The following SLC4A7 variants were observed in gnomAD, a reference collection of about 807,000 sequenced individuals.
SLC4A7 encodes sodium bicarbonate cotransporter 3.
In SLC4A7, 51 loss-of-function variants were observed where a neutral mutation model predicts 137.6. The ratio of observed to expected loss-of-function variants is 0.37; its 90% CI spans 0.30 to 0.47. SLC4A7 has a LOEUF of 0.47. Ranked by LOEUF, SLC4A7 falls within the 20% of genes least tolerant of loss-of-function variation. The probability of loss-of-function intolerance (pLI) is 1.00; values close to 1 mark genes in which losing one functional copy is unlikely to be tolerated. For missense variants in SLC4A7, 1,247 were observed against 1,525.4 expected, an observed-to-expected ratio of 0.82 and a Z score of 3.04; for synonymous variants, 542 against 518.6, an observed-to-expected ratio of 1.05 and a Z score of -0.61.
At chr3:27,463,403 C>T (rs2058802806) in intron 1 of SLC4A7, among the ~76,000 whole-genome samples, 1 of 152,108 alleles carries the variant, frequency 6.6e-6, no homozygotes. Flanking sequence ...GCACTCCAGC[C>T]TCGGCGACAG....
At chr3:27,444,553 G>A (rs58619800) in intron 3 of SLC4A7, among the ~76,000 whole-genome samples, 14 of 152,030 alleles carry the variant, frequency 9.2e-5, no homozygotes, top group African/African-American at 2.2e-4. Flanking sequence ...CTTGAAAACC[G>A]CTGATTACTT....
rs748614482 is a variant in SLC4A7, at chr3:27,376,734, T to C, written c.*30A>G. The stretch of plus-strand genomic sequence containing the variant: ...TACGCACACATTACATATGTATATA[T>C]CTATATGTATAATGCCTCTTGGTTC... On this transcript the variant is annotated 3_prime_UTR_variant, in exon 26 of 26. Coordinates refer to ENST00000454389, the MANE Select transcript of SLC4A7 (RefSeq NM_001321103.2). The C allele has an allele frequency of 2.3e-6, 3 of 1,297,142 alleles. No homozygotes were observed. In the East Asian group the frequency reaches 7.0e-5, roughly 30 times the overall value. 80.4% of individuals were successfully genotyped at this position (1,297,142 alleles called of 1,614,324 possible).
At chr3:27,476,038 G>T (rs918574269) in intron 1 of SLC4A7, among the ~76,000 whole-genome samples, 3 of 152,056 alleles carry the variant, frequency 2.0e-5, no homozygotes, top group African/African-American at 7.2e-5. Context: ...ACATATAACG[G>T]CTGACATCTG....
chr3:27,414,414 A>G (rs9813520), intron 11 of SLC4A7, among the ~76,000 whole-genome samples: 1 of 152,188 alleles, frequency 6.6e-6, no homozygotes, highest in African/African-American at 2.4e-5. Context: ...GGAAAGCCTT[A>G]CTGGTAACAT....
chr3:27,429,059 A>G (rs9810287), intron 7 of SLC4A7, among the ~76,000 whole-genome samples: 5,277 of 151,850 alleles, frequency 0.035, 107 homozygotes, highest in East Asian at 0.066. Flanking sequence ...CGAGGTCAAG[A>G]GATCGAGACC....
At chr3:27,469,229 CAG>C (rs1360619577) in intron 1 of SLC4A7, among the ~76,000 whole-genome samples, 1 of 152,212 alleles carries the variant, frequency 6.6e-6, no homozygotes, top group African/African-American at 2.4e-5. Context: ...GACCAAATGT[CAG>C]GGGATTTCTC....
intron 15 of SLC4A7, chr3:27,401,163 A>T (rs950599704): frequency 2.0e-4 from 47 of 234,354 alleles, no homozygotes; most frequent in African/African-American, 1.0e-3. Context: ...ATGTTTAGCA[A>T]GATTAGTCTC....
chr3:27,466,968 T>G (rs1202406351), intron 1 of SLC4A7, among the ~76,000 whole-genome samples: 1 of 152,230 alleles, frequency 6.6e-6, no homozygotes, highest in African/African-American at 2.4e-5. Context: ...GTTAGTTTTA[T>G]TTAGTATTCC....
intron 1 of SLC4A7, among the ~76,000 whole-genome samples, chr3:27,468,050 A>C (rs979773191): frequency 1.3e-5 from 2 of 152,186 alleles, no homozygotes; most frequent in African/African-American, 4.8e-5. Context: ...CAGCCTCCCA[A>C]GTAGCTGGGA....
Position 27,375,207 on chromosome 3 carries a change from GATTA to G in SLC4A7, c.*1553_*1556del, listed in dbSNP as rs375688967. ...TGGCATTCCTCATGATCCTTTATTA[GATTA>G]ATTATGTATACCTTTGTAATTTAAT... On this transcript the variant is annotated 3_prime_UTR_variant, in exon 26 of 26. Transcript: ENST00000454389. The G allele has an allele frequency of 1.3e-5, 2 of 151,866 alleles. No homozygotes were observed. 9.4% of individuals were successfully genotyped at this position (151,866 alleles called of 1,614,324 possible). A position where few individuals can be genotyped will look rare whatever the true frequency, so the allele number is the denominator to read the frequency against.
At position 27,398,371 on chromosome 3, in the gene SLC4A7, G is replaced by T. The variant is rs1403662144; in HGVS notation, c.2428-18C>A. 6.3e-6 allele frequency: 10 copies of T among 1,579,348 alleles called. No individual in the cohort carries two copies. In the Admixed American group the frequency reaches 1.7e-4, roughly 27 times the overall value. On this transcript the variant is annotated intron_variant, in intron 16 of 25. Transcript: ENST00000454389. ...TTACATTCCTGGAAAAAAGGAGAAA[G>T]AAAAAGCAGAATGGGGGATTCTTAC...
At chr3:27,399,828 C>T (rs149975558) in intron 16 of SLC4A7, among the ~76,000 whole-genome samples, 118 of 152,306 alleles carry the variant, frequency 7.7e-4, no homozygotes, top group African/African-American at 2.7e-3. Context: ...AGCCAGCAGT[C>T]ACATGAATTG....
chr3:27,437,271 A>C, intron 4 of SLC4A7, 117 bp downstream of exon 4: 1 of 505,442 alleles, frequency 2.0e-6, no homozygotes, highest in Admixed American at 4.2e-5. Flanking sequence ...AAATCACTTG[A>C]ACCTGGGAGG....
intron 7 of SLC4A7, among the ~76,000 whole-genome samples, chr3:27,428,043 T>C (rs12486392): frequency 0.15 from 23,557 of 152,202 alleles, 2,008 homozygotes; most frequent in South Asian, 0.27. Flanking sequence ...CAATGTAATA[T>C]TGGAAAAAAT....
In SLC4A7 at chr3:27,421,504, T is replaced by C. The variant is rs186588679; in HGVS notation, c.1424+118A>G. 5.3e-4 allele frequency: 446 copies of C among 838,936 alleles called. 3 individuals are homozygous for C. Among genetic ancestry groups the C allele is most frequent in the Non-Finnish European group, 3.4e-5 (19 of 562,676 alleles). 52.0% of individuals were successfully genotyped at this position (838,936 alleles called of 1,614,324 possible). A position where few individuals can be genotyped will look rare whatever the true frequency, so the allele number is the denominator to read the frequency against. ...AAGTGAGATTGTCTCAAAAATAAGA[T>C]AAAATTAAATAAAATAAGCTTTTAT... On this transcript the variant is annotated intron_variant, in intron 9 of 25. Transcript: ENST00000454389.
intron 7 of SLC4A7, among the ~76,000 whole-genome samples, chr3:27,426,189 G>GA (rs1213282490): frequency 6.6e-6 from 1 of 152,136 alleles, no homozygotes; most frequent in Non-Finnish European, 1.5e-5. Flanking sequence ...TTGATGTGAC[G>GA]AAAAATCTTA....
intron 20 of SLC4A7, among the ~76,000 whole-genome samples, chr3:27,392,033 CAGG>C (rs1214837837): frequency 6.6e-6 from 1 of 152,146 alleles, no homozygotes; most frequent in Non-Finnish European, 1.5e-5. Flanking sequence ...CACTTAAGAT[CAGG>C]AGTACTGCAG....
intron 1 of SLC4A7, among the ~76,000 whole-genome samples, chr3:27,479,722 A>C (rs2059631772): frequency 6.6e-6 from 1 of 152,240 alleles, no homozygotes; most frequent in African/African-American, 2.4e-5. Flanking sequence ...GGTAAAATTC[A>C]CTGCTTATTC....
rs2059842521 is a variant in SLC4A7 at position 27,484,132 on chromosome 3, G to C, written c.-6C>G. On this transcript the variant is annotated 5_prime_UTR_variant, in exon 1 of 26. Coordinates refer to ENST00000454389, the MANE Select transcript of SLC4A7 (RefSeq NM_001321103.2). ...CCGGCCCCATCAGCCTCCATGGCCG[G>C]CCGGCCAGCCCGTGACGGCCGCTAC... 2 of 1,374,368 alleles carry C rather than the reference G, an allele frequency of 1.5e-6. No individual in the cohort carries two copies. The highest frequency in any genetic ancestry group is 2.9e-5 in the Admixed American group (1 of 35,000). 85.1% of individuals were successfully genotyped at this position (1,374,368 alleles called of 1,614,324 possible).
Sources: allele counts gnomAD v4.1 joint callset (sites outside exome capture counted in the v4.1 genomes callset), GRCh38; gene constraint gnomAD v4.1.1; transcripts MANE v1.5; gene names NCBI Gene and HGNC (gene_info 2026-07-23, HGNC 2026-07-21).